Variants in ZNF432 observed in about 807,000 individuals in gnomAD.
ZNF432 encodes zinc finger protein 432.
In ZNF432, 10 loss-of-function variants were observed where a neutral mutation model predicts 13.9. The observed-to-expected ratio is 0.72, with a 90% CI of 0.44 to 1.22. The LOEUF is 1.22. ZNF432 is among the 50% of genes most tolerant of loss of function. The pLI is 0.00. For synonymous variants in ZNF432, 247 were observed against 256.2 expected (o/e 0.96, Z 0.34); for missense variants, 793 against 796.2 (o/e 1.00, Z 0.05).
chr19:52,039,599 C>T (rs2087114689), intron 4 of ZNF432, among the ~76,000 whole-genome samples: 1 of 151,886 alleles, frequency 6.6e-6, no homozygotes, highest in Admixed American at 6.6e-5. Flanking sequence ...TTTGGGAGGC[C>T]GAGGCAGGTG....
At chr19:52,048,623 G>A (rs1306377167) in intron 1 of ZNF432, 72 bp downstream of exon 1, 1 of 127,378 alleles carries the variant, frequency 7.9e-6, no homozygotes, top group South Asian at 2.6e-4. Flanking sequence ...ACCATATAGC[G>A]CCACCAACAA....
intron 1 of ZNF432, among the ~76,000 whole-genome samples, chr19:52,048,184 A>ACAC (rs1568525403): frequency 1.4e-3 from 77 of 56,148 alleles, no homozygotes; most frequent in African/African-American, 3.4e-3. Context: ...CACACACACA[A>ACAC]AACCAGCCAG....
At position 52,042,673 on chromosome 19, in the gene ZNF432, T is replaced by C. The variant is rs188815969; in HGVS notation, c.16-1067A>G. ...ATGCCTATACATAGTTTTTGAAATA[T>C]TATATTCAAATAAGAGAAGCAATTT... is the stretch of plus-strand genomic sequence containing the variant. On this transcript the variant is annotated intron_variant, in intron 2 of 4. Coordinates refer to ENST00000221315, the MANE Select transcript of ZNF432 (RefSeq NM_014650.4). Among the ~76,000 whole-genome samples, 265 of 152,314 alleles carry C rather than the reference T, an allele frequency of 1.7e-3. 1 individual carries two copies. Among genetic ancestry groups the C allele is most frequent in the Non-Finnish European group, 3.5e-3 (235 of 68,026 alleles).
rs1209585636 is a variant in ZNF432 at position 52,033,709 on chromosome 19, C to A, written c.*11G>T. ...TTTCTTCCCAAAGGCATGAACATGT[C>A]CACTGCATTGTCAGGGTTTGTTTCC... On this transcript the variant is annotated 3_prime_UTR_variant, in exon 5 of 5. Transcript: ENST00000221315. 12 of 1,562,286 alleles carry A rather than the reference C, an allele frequency of 7.7e-6. No homozygotes were observed. Among genetic ancestry groups the A allele is most frequent in the Middle Eastern group, 1.7e-4 (1 of 5,794 alleles).
chr19:52,037,589 GA>G (rs1258076444), intron 4 of ZNF432, among the ~76,000 whole-genome samples: 1 of 152,058 alleles, frequency 6.6e-6, no homozygotes, highest in Non-Finnish European at 1.5e-5. Flanking sequence ...TTGAGCTCTG[GA>G]GTTCCAGACC....
chr19:52,040,177 C>G (rs1016421836), intron 4 of ZNF432, among the ~76,000 whole-genome samples: 1 of 152,142 alleles, frequency 6.6e-6, no homozygotes, highest in Non-Finnish European at 1.5e-5. Context: ...TAAGTTATGA[C>G]CTGGTTTGGT....
At position 52,035,534 on chromosome 19, in the gene ZNF432, T is replaced by TATG. The variant is rs1025366563; in HGVS notation, c.239-95_239-94insCAT. 7 of 1,034,318 alleles carry TATG rather than the reference T, an allele frequency of 6.8e-6. No individual in the cohort carries two copies. The African/African-American group carries it at 1.2e-4, about 17-fold the overall frequency. The allele number at this position is 1,034,318 out of a possible 1,614,324, so 64.1% of individuals were successfully genotyped here. ...AAAATCCTTGGTGTTTTATTTTGTT[T>TATG]ATTATTATTATTTTTTGAGACAGAG... On this transcript the variant is annotated intron_variant, in intron 4 of 4. Coordinates refer to ENST00000221315, the MANE Select transcript of ZNF432 (RefSeq NM_014650.4).
chr19:52,031,770 G>A lies in ZNF432; in HGVS notation c.*1950C>T, dbSNP rs1289415006. The stretch of plus-strand genomic sequence containing the variant: ...CCCAGCACTTTGGGAGGCTGAGGCG[G>A]GTGGACCGCCCGGGGTCGAGAGTTC... On this transcript the variant is annotated 3_prime_UTR_variant, in exon 5 of 5. Coordinates refer to ENST00000221315, the MANE Select transcript of ZNF432 (RefSeq NM_014650.4). 3.3e-5 allele frequency: 5 copies of A among 152,440 alleles called. No individual in the cohort carries two copies. Among genetic ancestry groups the A allele is most frequent in the African/African-American group, 1.2e-4 (5 of 41,458 alleles). 9.4% of individuals were successfully genotyped at this position (152,440 alleles called of 1,614,324 possible). A position where few individuals can be genotyped will look rare whatever the true frequency, so the allele number is the denominator to read the frequency against.
Position 52,041,481 on chromosome 19 carries a change from C to A in ZNF432, c.141G>T (p.Met47Ile). ...MLEIYSNLLS[M>I]GYQVSKPDAL... ...GTGACACAGAGCAGCTGTCCTCACC[C>A]ATTGATAGCAGGTTGCTGTAGATCT... Residue 47 changes from methionine to isoleucine, a missense_variant and splice_region_variant, in exon 3 of 5, where the codon ATG (methionine) becomes ATT (isoleucine). By Grantham distance (10) the Met-to-Ile change is conservative (BLOSUM62 1). Coordinates refer to ENST00000221315, the MANE Select transcript of ZNF432 (RefSeq NM_014650.4). 1.2e-6 allele frequency: 2 copies of A among 1,600,332 alleles called. No homozygotes were observed. The highest frequency in any genetic ancestry group is 1.1e-5 in the South Asian group (1 of 89,060).
At chr19:52,043,812 C>T (rs2087157426) in intron 2 of ZNF432, among the ~76,000 whole-genome samples, 1 of 152,148 alleles carries the variant, frequency 6.6e-6, no homozygotes, top group South Asian at 2.1e-4. Flanking sequence ...TAATCCTTTA[C>T]CTTGTCTATG....
At chr19:52,041,749 G>A in intron 2 of ZNF432, 143 bp from the exon 3 acceptor site, 3 of 1,009,994 alleles carry the variant, frequency 3.0e-6, no homozygotes, top group Non-Finnish European at 4.2e-6. Context: ...AATATTGCCA[G>A]AGAATCTCCA....
intron 4 of ZNF432, among the ~76,000 whole-genome samples, chr19:52,039,702 G>A (rs139702448): frequency 1.9e-3 from 291 of 151,758 alleles, no homozygotes; most frequent in African/African-American, 5.8e-3. Context: ...GATGGTGCGC[G>A]CCTGTAATCC....
chr19:52,044,707 G>A (rs2087165838), intron 2 of ZNF432, among the ~76,000 whole-genome samples: 1 of 152,102 alleles, frequency 6.6e-6, no homozygotes, highest in Non-Finnish European at 1.5e-5. Context: ...ATTTGATAAT[G>A]TCATATTTTT....
At chr19:52,045,237 C>A (rs1369300644) in intron 2 of ZNF432, among the ~76,000 whole-genome samples, 1 of 151,730 alleles carries the variant, frequency 6.6e-6, no homozygotes, top group East Asian at 1.9e-4. Flanking sequence ...CACATATATA[C>A]AGAGATGCAC....
At chr19:52,036,466 T>G (rs191617834) in intron 4 of ZNF432, among the ~76,000 whole-genome samples, 1 of 152,336 alleles carries the variant, frequency 6.6e-6, no homozygotes, top group African/African-American at 2.4e-5. Context: ...ACTATATGGC[T>G]TGAGCCACTG....
At chr19:52,037,053 GGA>G (rs2087089110) in intron 4 of ZNF432, among the ~76,000 whole-genome samples, 2 of 152,108 alleles carry the variant, frequency 1.3e-5, no homozygotes, top group Admixed American at 1.3e-4. Context: ...TGTGGTTTTG[GGA>G]TTATTTAAGC....
Position 52,034,783 on chromosome 19 carries a change from G to A in ZNF432, c.896C>T (p.Pro299Leu). ...YICNECGKGF[P>L]GKRNLIVHQR... The stretch of plus-strand genomic sequence containing the variant: ...ATGTACAATGAGATTACGCTTGCCT[G>A]GGAAGCCTTTTCCACATTCATTGCA... Residue 299 changes from proline (P) to leucine (L), a missense_variant, in exon 5 of 5, where the codon CCA becomes CTA. By Grantham distance (98) the Pro-to-Leu change is moderately conservative. Coordinates refer to ENST00000221315, the MANE Select transcript of ZNF432 (RefSeq NM_014650.4). 6.2e-7 allele frequency: 1 copy of A among 1,611,774 alleles called. No homozygotes were observed. The highest frequency in any genetic ancestry group is 8.5e-7 in the Non-Finnish European group (1 of 1,179,116).
intron 2 of ZNF432, among the ~76,000 whole-genome samples, chr19:52,043,434 C>T (rs1346040873): frequency 1.3e-5 from 2 of 152,068 alleles, no homozygotes; most frequent in African/African-American, 2.4e-5. Flanking sequence ...TGCGGAAGGC[C>T]GCAGGGACCT....
chr19:52,046,451 T>G (rs957905436), intron 2 of ZNF432, among the ~76,000 whole-genome samples: 2 of 152,236 alleles, frequency 1.3e-5, no homozygotes, highest in African/African-American at 4.8e-5. Context: ...CTGCCTTTAT[T>G]AGAAAGCTAG....
Sources: gnomAD v4.1 joint callset for allele counts (sites outside exome capture counted in the v4.1 genomes callset) on GRCh38, gnomAD v4.1.1 for gene constraint, MANE v1.5 for transcripts, NCBI Gene and HGNC (gene_info 2026-07-23, HGNC 2026-07-21) for gene names.